SRRT: variants seen among roughly 807,000 people sequenced by gnomAD.
SRRT encodes serrate RNA effector molecule homolog.
In SRRT, 32 loss-of-function variants were observed where a neutral mutation model predicts 103.2. The observed-to-expected ratio is 0.31, with a 90% CI of 0.23 to 0.42. SRRT has a LOEUF of 0.42. SRRT is among the 10% of genes least tolerant of loss of function. The pLI, the probability that SRRT is intolerant of heterozygous loss-of-function variation, is 1.00. For synonymous variants in SRRT, 525 were observed against 449.0 expected (o/e 1.17, Z -2.14); for missense variants, 986 against 1,207.5 (o/e 0.82, Z 2.72).
rs182956264 is a variant in SRRT at position 100,876,698 on chromosome 7, C to T, written c.122+986C>T. On this transcript the variant is annotated intron_variant, in intron 2 of 19. Transcript: ENST00000611405. ...ATTGACCTTAGGGTGTTACAGTGAG[C>T]TTGGCATGGGGGATCAGAATGGCAG... 3.1e-4 allele frequency among the ~76,000 whole-genome samples: 47 copies of T among 152,220 alleles called. 1 individual carries two copies. Among genetic ancestry groups the T allele is most frequent in the Admixed American group, 2.6e-3 (40 of 15,278 alleles).
Position 100,885,817 on chromosome 7 carries a change from A to AC in SRRT, c.1380-44dup. 1 of 1,613,642 alleles carries AC rather than the reference A, an allele frequency of 6.2e-7. No individual in the cohort carries two copies. Among genetic ancestry groups the AC allele is most frequent in the Non-Finnish European group, 8.5e-7 (1 of 1,179,576 alleles). Reference sequence around the variant, plus strand: ...GTGCAGGGGAACGTTAATGGCCAACACCAACTCCCTCGCTTGACTATGCTA... The same window carrying AC: ...GTGCAGGGGAACGTTAATGGCCAACACCCAACTCCCTCGCTTGACTATGCTA... On this transcript the variant is annotated intron_variant, in intron 11 of 19. Transcript: ENST00000611405. The surrounding 1 kb of genome is among the most constrained non-coding windows in gnomAD (Gnocchi z 4.8).
rs539757797 is a variant in SRRT, at chr7:100,885,132, TA to T, written c.1160-80del. 754 of 1,602,008 alleles carry T rather than the reference TA, an allele frequency of 4.7e-4. 1 individual carries two copies. The highest frequency in any genetic ancestry group is 6.1e-4 in the Non-Finnish European group (721 of 1,172,988). On this transcript the variant is annotated intron_variant, in intron 9 of 19. Transcript: ENST00000611405. This position sits in a 1 kb window ranked among gnomAD's most constrained non-coding sequence, Gnocchi z 4.8. ...CATTGACGGGAGGGTGGGTGGCTTT[TA>T]GGGGAAAGCTTCTGTATCCTCCCCA...
At chr7:100,881,259 T>G (rs1191305644) in intron 2 of SRRT, 26 bp from the exon 3 acceptor site, 1 of 1,599,656 alleles carries the variant, frequency 6.3e-7, no homozygotes, top group Non-Finnish European at 8.6e-7. Context: ...TGGCCTTTAA[T>G]CTTTGTTACT....
intron 2 of SRRT, among the ~76,000 whole-genome samples, chr7:100,877,052 CTG>C (rs1235417733): frequency 6.6e-6 from 1 of 152,016 alleles, no homozygotes. Context: ...GCCATTTCCA[CTG>C]TTGGTGCCAT....
chr7:100,886,975 G>A lies in SRRT; in HGVS notation c.1821+7G>A. 1.9e-6 allele frequency: 3 copies of A among 1,609,744 alleles called. No homozygotes were observed. Among genetic ancestry groups the A allele is most frequent in the Non-Finnish European group, 2.5e-6 (3 of 1,176,820 alleles). Reference sequence around the variant, plus strand: ...GGATGAGAAGTTGATTAAGGTGCCAGTGGCAGCGCGGGGCACGTGGGGGCT... The same window carrying A: ...GGATGAGAAGTTGATTAAGGTGCCAATGGCAGCGCGGGGCACGTGGGGGCT... On this transcript the variant is annotated splice_region_variant and intron_variant, in intron 14 of 19. Transcript: ENST00000611405.
At position 100,887,616 on chromosome 7, in the gene SRRT, G is replaced by T; in HGVS notation, c.2170-87G>T. The T allele has an allele frequency of 6.3e-7, 1 of 1,576,040 alleles. No homozygotes were observed. The highest frequency in any genetic ancestry group is 8.6e-7 in the Non-Finnish European group (1 of 1,156,950). On this transcript the variant is annotated intron_variant, in intron 16 of 19. Transcript: ENST00000611405. The surrounding 1 kb of genome is among the most constrained non-coding windows in gnomAD (Gnocchi z 4.1). ...GGGGAACTGCTTACTGCACTGGCAG[G>T]CGGGAGCTGGGAATCCTTCCAGCTC...
In SRRT at chr7:100,875,672, G is replaced by C. The variant is rs1322233238; in HGVS notation, c.82G>C (p.Glu28Gln). ...GCGCAGCGACTACGACCGTTCCCGCGAGAGAGATGAAAGACGTCGAGGGGA... is the reference window on the plus strand; with the variant it reads ...GCGCAGCGACTACGACCGTTCCCGCCAGAGAGATGAAAGACGTCGAGGGGA... ...RERSDYDRSR[E>Q]RDERRRGDDW... Residue 28 changes from glutamate to glutamine, a missense_variant, in exon 2 of 20, where the codon GAG becomes CAG. Coordinates refer to ENST00000611405, the MANE Select transcript of SRRT (RefSeq NM_015908.6). 3.1e-6 allele frequency: 5 copies of C among 1,614,030 alleles called. No individual in the cohort carries two copies. The highest frequency in any genetic ancestry group is 4.2e-6 in the Non-Finnish European group (5 of 1,179,998).
chr7:100,888,305 A>G lies in SRRT; in HGVS notation c.2477A>G (p.His826Arg). ...AVPTGGPPYP[H>R]APYGAGRGNY... ...CCCACAGGAGGCCCTCCATACCCCCATGCCCCGTATGGTGCTGGTCGAGGG... is the reference window on the plus strand; with the variant it reads ...CCCACAGGAGGCCCTCCATACCCCCGTGCCCCGTATGGTGCTGGTCGAGGG... Residue 826 changes from histidine (H) to arginine (R), a missense_variant, in exon 19 of 20, where the codon CAT becomes CGT. Transcript: ENST00000611405. The G allele has an allele frequency of 6.2e-7, 1 of 1,613,908 alleles. No individual in the cohort carries two copies. Among genetic ancestry groups the G allele is most frequent in the South Asian group, 1.1e-5 (1 of 91,072 alleles).
rs1790173011 is a variant in SRRT at position 100,886,872 on chromosome 7, G to A, written c.1725G>A (p.Glu575=). The A allele has an allele frequency of 3.1e-6, 5 of 1,614,202 alleles. No individual in the cohort carries two copies. The highest frequency in any genetic ancestry group is 1.1e-5 in the South Asian group (1 of 91,084). ...LIEEVSAEEE[E]LLGSSGGAPP... ...AGGAAGTAAGCGCCGAGGAGGAGGAGCTGCTGGGGAGCAGCGGGGGCGCTC... is the reference window on the plus strand; with the variant it reads ...AGGAAGTAAGCGCCGAGGAGGAGGAACTGCTGGGGAGCAGCGGGGGCGCTC... The change falls in exon 14 of 20, where the codon GAG becomes GAA. Residue 575 remains glutamate (E), a synonymous_variant. Transcript: ENST00000611405.
intron 6 of SRRT, 27 bp downstream of exon 6, chr7:100,884,266 C>T: frequency 4.3e-6 from 7 of 1,613,848 alleles, no homozygotes; most frequent in Non-Finnish European, 5.9e-6. Context: ...GGGTGGCAGG[C>T]ATCTGGGCCC....
In SRRT at chr7:100,888,571, C is replaced by G; in HGVS notation, c.*22C>G. 1 of 1,613,856 alleles carries G rather than the reference C, an allele frequency of 6.2e-7. No homozygotes were observed. Among genetic ancestry groups the G allele is most frequent in the Non-Finnish European group, 8.5e-7 (1 of 1,179,730 alleles). ...TTGAGCCGTCCCCCGTTCCTCAGTC[C>G]TGTATCATCCATACTTGTACTACCT... On this transcript the variant is annotated 3_prime_UTR_variant, in exon 20 of 20. Transcript: ENST00000611405.
chr7:100,886,505 T>C, intron 13 of SRRT, 70 bp downstream of exon 13: 1 of 1,459,472 alleles, frequency 6.9e-7, no homozygotes, highest in Non-Finnish European at 9.2e-7. Context: ...CCTCTGACCT[T>C]ACCTATCTGT....
chr7:100,886,691 C>A, intron 13 of SRRT, 104 bp from the exon 14 acceptor site: 1 of 1,324,424 alleles, frequency 7.6e-7, no homozygotes, highest in Non-Finnish European at 1.1e-6. Context: ...CCATTTATGT[C>A]CGGTGAACTC....
intron 5 of SRRT, among the ~76,000 whole-genome samples, chr7:100,883,257 C>T (rs1789746580): frequency 6.6e-6 from 1 of 152,206 alleles, no homozygotes; most frequent in Non-Finnish European, 1.5e-5. Flanking sequence ...TGCCTAACAC[C>T]ACCTTCTTCC....
chr7:100,883,457 C>T (rs1364451888), intron 5 of SRRT, among the ~76,000 whole-genome samples: 1 of 152,280 alleles, frequency 6.6e-6, no homozygotes, highest in South Asian at 2.1e-4. Flanking sequence ...CAGCCCTCTC[C>T]TCTCTCTCCC....
At chr7:100,886,534 C>T (rs1790119890) in intron 13 of SRRT, 99 bp downstream of exon 13, 14 of 1,282,804 alleles carry the variant, frequency 1.1e-5, no homozygotes, top group African/African-American at 1.5e-5. Flanking sequence ...ACCCTTGCAC[C>T]CACTCGCCTG....
intron 12 of SRRT, 125 bp downstream of exon 12, chr7:100,886,066 C>T: frequency 1.5e-6 from 2 of 1,328,968 alleles, no homozygotes; most frequent in South Asian, 2.5e-5. Context: ...TTTTGTCTGG[C>T]TACGTTGTCT....
rs375066546 is a variant in SRRT, at chr7:100,885,069, G to A, written c.1159+29G>A. 1.4e-5 allele frequency: 22 copies of A among 1,613,118 alleles called. No individual in the cohort carries two copies. The highest frequency in any genetic ancestry group is 1.7e-5 in the Admixed American group (1 of 59,972). ...GGGTTTCTTTTCTGCTTTAAAGTGCGTTCTCCTAATGCGGGTGGGGAGGTG... is the reference window on the plus strand; with the variant it reads ...GGGTTTCTTTTCTGCTTTAAAGTGCATTCTCCTAATGCGGGTGGGGAGGTG... On this transcript the variant is annotated intron_variant, in intron 9 of 19. Coordinates refer to ENST00000611405, the MANE Select transcript of SRRT (RefSeq NM_015908.6). This position sits in a 1 kb window ranked among gnomAD's most constrained non-coding sequence, Gnocchi z 4.8.
In SRRT at chr7:100,875,107, C is replaced by G. The variant is rs535300327; in HGVS notation, c.-240C>G. Reference sequence around the variant, plus strand: ...TCCAGTTCCGGCCGCGAGGGTGGAGCTTTGTGCCTCGGAGGCGTGGGTGAC... The same window carrying G: ...TCCAGTTCCGGCCGCGAGGGTGGAGGTTTGTGCCTCGGAGGCGTGGGTGAC... On this transcript the variant is annotated 5_prime_UTR_variant, in exon 1 of 20. Transcript: ENST00000611405. 1 of 159,462 alleles carries G rather than the reference C, an allele frequency of 6.3e-6. No homozygotes were observed. The highest frequency in any genetic ancestry group is 1.8e-4 in the East Asian group (1 of 5,578). 9.9% of individuals were successfully genotyped at this position (159,462 alleles called of 1,614,324 possible).
Sources: gnomAD v4.1 joint callset for allele counts (sites outside exome capture counted in the v4.1 genomes callset) on GRCh38, gnomAD v4.1.1 for gene constraint, Gnocchi (gnomAD v3.1) non-coding constraint, MANE v1.5 for transcripts, NCBI Gene and HGNC (gene_info 2026-07-23, HGNC 2026-07-21) for gene names.